The following USH2A variants were observed in gnomAD, a reference collection of about 807,000 sequenced individuals.
USH2A encodes the protein Usher syndrome 2A (autosomal recessive, mild).
Under a neutral mutation model 538.9 loss-of-function variants are expected in USH2A, and 443 were observed. The ratio of observed to expected loss-of-function variants is 0.82; its 90% CI spans 0.76 to 0.89. The LOEUF is 0.89. Ranked by LOEUF, USH2A falls within the 40% of genes least tolerant of loss-of-function variation. USH2A has a pLI of 0.00. For synonymous variants in USH2A, 2,413 were observed against 2,273.5 expected (o/e 1.06, Z -1.75); for missense variants, 6,633 against 6,324.8 (o/e 1.05, Z -1.65).
At position 215,845,998 on chromosome 1, in the gene USH2A, T is replaced by C. The variant is rs758748351; in HGVS notation, c.8881A>G (p.Thr2961Ala). The change falls in exon 45 of 72, where the codon ACA (threonine) becomes GCA (alanine). Residue 2961 changes from threonine (T) to alanine (A), a missense_variant. Physicochemically the swap from Thr to Ala is moderately conservative, Grantham distance 58. Coordinates refer to ENST00000307340, the MANE Select transcript of USH2A (RefSeq NM_206933.4). ...QDLQGEVEYY[T>A]LFWSSATSND... ...GAGGTAGCAGAACTCCAAAAAAGTGTGTAATATTCAACTTCACCTTGTAGG... is the reference window on the plus strand; with the variant it reads ...GAGGTAGCAGAACTCCAAAAAAGTGCGTAATATTCAACTTCACCTTGTAGG... The C allele has an allele frequency of 3.7e-6, 6 of 1,613,680 alleles. No homozygotes were observed. Among genetic ancestry groups the C allele is most frequent in the Non-Finnish European group, 5.1e-6 (6 of 1,179,854 alleles).
At chr1:216,419,293 C>A (rs967461708) in intron 2 of USH2A, among the ~76,000 whole-genome samples, 2 of 152,152 alleles carry the variant, frequency 1.3e-5, no homozygotes, top group African/African-American at 4.8e-5. Context: ...GTACTGAGAT[C>A]ATGTTAAATA....
At chr1:215,692,956 T>C (rs1000976770) in intron 61 of USH2A, among the ~76,000 whole-genome samples, 1 of 151,440 alleles carries the variant, frequency 6.6e-6, no homozygotes, top group Non-Finnish European at 1.5e-5. Context: ...CGGGTTGGAG[T>C]ATTGTGGCAT....
At chr1:216,035,959 A>G (rs989305878) in intron 32 of USH2A, among the ~76,000 whole-genome samples, 8 of 152,198 alleles carry the variant, frequency 5.3e-5, no homozygotes, top group African/African-American at 1.9e-4. Flanking sequence ...ATAAGTCAAT[A>G]TTGCAAGATA....
chr1:215,627,991 T>G (rs1171041886), intron 71 of USH2A, among the ~76,000 whole-genome samples: 5 of 152,178 alleles, frequency 3.3e-5, no homozygotes, highest in Non-Finnish European at 1.5e-5. Context: ...GAGGTTACCT[T>G]TCAAAGAGCC....
chr1:216,323,717 T>A, intron 7 of USH2A, 22 bp from the exon 8 acceptor site: 1 of 1,610,164 alleles, frequency 6.2e-7, no homozygotes, highest in Non-Finnish European at 8.5e-7. Flanking sequence ...AGAAATTCGA[T>A]GTCATGAAAA....
intron 9 of USH2A, among the ~76,000 whole-genome samples, chr1:216,298,012 T>C (rs1397879603): frequency 3.3e-5 from 5 of 152,182 alleles, no homozygotes; most frequent in African/African-American, 4.8e-5. Context: ...TGATTCCCAA[T>C]ATTTTAAAAA....
chr1:215,959,285 A>G (rs1667140564), intron 37 of USH2A, among the ~76,000 whole-genome samples: 1 of 152,156 alleles, frequency 6.6e-6, no homozygotes, highest in Non-Finnish European at 1.5e-5. Flanking sequence ...ATTCTTAAAT[A>G]CTAATTGGGT....
rs1239652746 is a variant in USH2A at position 216,196,632 on chromosome 1, C to T, written c.4172G>A (p.Arg1391Lys). 1 of 1,613,544 alleles carries T rather than the reference C, an allele frequency of 6.2e-7. No individual in the cohort carries two copies. Among genetic ancestry groups the T allele is most frequent in the Non-Finnish European group, 8.5e-7 (1 of 1,179,696 alleles). The change falls in exon 19 of 72, where the codon AGA becomes AAA. Residue 1391 changes from arginine (R) to lysine (K), a missense_variant. Transcript: ENST00000307340. ...GATGTCATACCCCACAACTTTTCCT[C>T]TTGTAACATTATCTGCTGGCTTCTC... The part of the protein sequence containing the change: ...SWEKPADNVT[R>K]GKVVGYDINM...
At chr1:216,069,498 G>T (rs2031487703) in intron 30 of USH2A, among the ~76,000 whole-genome samples, 1 of 152,008 alleles carries the variant, frequency 6.6e-6, no homozygotes, top group Non-Finnish European at 1.5e-5. Context: ...CCCTTTAAAT[G>T]TGCTTTAATA....
At chr1:216,327,415 A>G (rs546025006) in intron 5 of USH2A, among the ~76,000 whole-genome samples, 176 bp downstream of exon 5, 8 of 152,320 alleles carry the variant, frequency 5.3e-5, no homozygotes, top group African/African-American at 1.4e-4. Flanking sequence ...CAAGAGTAGC[A>G]CTAGTGAATA....
chr1:216,361,006 T>C (rs1013995775), intron 4 of USH2A, among the ~76,000 whole-genome samples: 2 of 152,042 alleles, frequency 1.3e-5, no homozygotes, highest in Admixed American at 1.3e-4. Flanking sequence ...AAGACATGTA[T>C]GAAGTTACAG....
At chr1:215,816,672 A>G (rs917376673) in intron 48 of USH2A, among the ~76,000 whole-genome samples, 3 of 152,060 alleles carry the variant, frequency 2.0e-5, no homozygotes, top group East Asian at 3.9e-4. Context: ...ACAGTTACTC[A>G]TCAGTGCCAT....
chr1:216,249,518 T>C (rs2036117163), intron 12 of USH2A, among the ~76,000 whole-genome samples: 1 of 152,124 alleles, frequency 6.6e-6, no homozygotes, highest in Admixed American at 6.5e-5. Context: ...GAATTCAGGG[T>C]CTTAGAATTC....
At chr1:216,066,238 A>G (rs2031362791) in intron 30 of USH2A, among the ~76,000 whole-genome samples, 1 of 152,054 alleles carries the variant, frequency 6.6e-6, no homozygotes, top group South Asian at 2.1e-4. Flanking sequence ...TGGGAGGCCA[A>G]GGTGGGTGAA....
At chr1:215,864,947 T>A (rs920861951) in intron 44 of USH2A, among the ~76,000 whole-genome samples, 10 of 151,962 alleles carry the variant, frequency 6.6e-5, no homozygotes, top group African/African-American at 2.4e-4. Flanking sequence ...TGCTTTAAAA[T>A]ATATATATAT....
intron 18 of USH2A, among the ~76,000 whole-genome samples, 192 bp from the exon 19 acceptor site, chr1:216,196,914 A>C (rs948149773): frequency 2.0e-5 from 3 of 152,192 alleles, no homozygotes; most frequent in African/African-American, 7.2e-5. Flanking sequence ...CTGAAAGTAT[A>C]TTCTCCATCT....
intron 48 of USH2A, among the ~76,000 whole-genome samples, chr1:215,815,606 T>C (rs1662835850): frequency 6.6e-6 from 1 of 152,058 alleles, no homozygotes; most frequent in African/African-American, 2.4e-5. Flanking sequence ...TAGGAGTAAT[T>C]TTATAAATAA....
At chr1:215,814,007 T>A in intron 48 of USH2A, 103 bp from the exon 49 acceptor site, 1 of 1,275,372 alleles carries the variant, frequency 7.8e-7, no homozygotes, top group Non-Finnish European at 1.1e-6. Flanking sequence ...GCATAGAAGA[T>A]CTGAGACCAT....
At chr1:215,989,254 T>C (rs1315717970) in intron 35 of USH2A, among the ~76,000 whole-genome samples, 1 of 152,202 alleles carries the variant, frequency 6.6e-6, no homozygotes, top group Non-Finnish European at 1.5e-5. Context: ...TTTTGAAACC[T>C]GAGTGTGCAA....
Sources: gnomAD v4.1 joint callset for allele counts (sites outside exome capture counted in the v4.1 genomes callset) on GRCh38, gnomAD v4.1.1 for gene constraint, MANE v1.5 for transcripts, NCBI Gene and HGNC (gene_info 2026-07-23, HGNC 2026-07-21) for gene names.